BFSP2: variants seen among roughly 807,000 people sequenced by gnomAD.
The protein encoded by BFSP2 is phakinin.
In BFSP2, 38 loss-of-function variants were observed where a neutral mutation model predicts 44.9. That is an observed-to-expected ratio of 0.85 (90% confidence interval 0.65 to 1.11). BFSP2 has a LOEUF of 1.11. Among genes scored for constraint, BFSP2 ranks in the 50% least tolerant of loss-of-function variants. The pLI is 0.00. For synonymous variants in BFSP2, 197 were observed against 209.9 expected, an observed-to-expected ratio of 0.94 and a Z score of 0.53; for missense variants, 525 against 533.0, an observed-to-expected ratio of 0.99 and a Z score of 0.15.
chr3:133,461,126 T>C (rs2074058179), intron 4 of BFSP2, among the ~76,000 whole-genome samples: 1 of 152,186 alleles, frequency 6.6e-6, no homozygotes, highest in Non-Finnish European at 1.5e-5. Context: ...AGGGTGTTTT[T>C]AGGAATGGCC....
intron 1 of BFSP2, among the ~76,000 whole-genome samples, chr3:133,436,533 G>A (rs2073783757): frequency 6.6e-6 from 1 of 152,082 alleles, no homozygotes; most frequent in South Asian, 2.1e-4. Flanking sequence ...CATAACAAGT[G>A]CTTAAAAAGC....
rs557600781 is a variant in BFSP2 at position 133,400,761 on chromosome 3, C to G, written c.489+189C>G. Among the ~76,000 whole-genome samples the G allele has an allele frequency of 1.3e-4, 20 of 152,176 alleles. No individual in the cohort carries two copies. The highest frequency in any genetic ancestry group is 2.5e-4 in the Non-Finnish European group (17 of 68,034). ...GGTTTACTAGGAGCCCACGCTAGCC[C>G]CCATACGTGCACTACCCACTGTCTT... On this transcript the variant is annotated intron_variant, in intron 1 of 6. Coordinates refer to ENST00000302334, the MANE Select transcript of BFSP2 (RefSeq NM_003571.4). The surrounding 1 kb of genome is among the most constrained non-coding windows in gnomAD (Gnocchi z 4.0).
rs576041745 is a variant in BFSP2, at chr3:133,465,026, G to A, written c.892-1802G>A. On this transcript the variant is annotated intron_variant, in intron 4 of 6. Transcript: ENST00000302334. ...CTTTTTTTTTTTTTTTTTTCTTTTT[G>A]AGATGGAGTCTCACTGTCACCCAGG... Among the ~76,000 whole-genome samples the A allele has an allele frequency of 2.1e-4, 19 of 92,466 alleles. 1 individual carries two copies. The South Asian group carries it at 7.4e-3, about 36-fold the overall frequency. The allele number at this position is 92,466 out of a possible 152,430, so 60.7% of individuals were successfully genotyped here. A position where few individuals can be genotyped will look rare whatever the true frequency, so the allele number is the denominator to read the frequency against.
chr3:133,469,117 T>C (rs2074138376), intron 5 of BFSP2, among the ~76,000 whole-genome samples: 1 of 152,220 alleles, frequency 6.6e-6, no homozygotes, highest in Non-Finnish European at 1.5e-5. Flanking sequence ...ATTTACACTC[T>C]CAACCAGAAA....
chr3:133,421,414 T>C (rs1182673885), intron 1 of BFSP2, among the ~76,000 whole-genome samples: 1 of 152,260 alleles, frequency 6.6e-6, no homozygotes, highest in Non-Finnish European at 1.5e-5. Context: ...GCTCTGGTGA[T>C]GGCGGGCAAT....
At position 133,429,930 on chromosome 3, in the gene BFSP2, G is replaced by A. The variant is rs1427205370; in HGVS notation, c.490-17387G>A. On this transcript the variant is annotated intron_variant, in intron 1 of 6. Coordinates refer to ENST00000302334, the MANE Select transcript of BFSP2 (RefSeq NM_003571.4). ...CTACCCCCACCCCACAACAGTCCCC[G>A]GTGCGTGATGTTCCCCTTCCTGTGT... Among the ~76,000 whole-genome samples the A allele has an allele frequency of 9.9e-4, 148 of 150,112 alleles. 4 individuals are homozygous for A. Among genetic ancestry groups the A allele is most frequent in the Middle Eastern group, 3.4e-3 (1 of 294 alleles).
At chr3:133,432,227 C>T (rs187991769) in intron 1 of BFSP2, among the ~76,000 whole-genome samples, 10 of 152,312 alleles carry the variant, frequency 6.6e-5, no homozygotes, top group South Asian at 2.1e-4. Context: ...GTCCAAAAAC[C>T]GCACAAGTCT....
At chr3:133,426,747 G>A (rs1282100876) in intron 1 of BFSP2, among the ~76,000 whole-genome samples, 1 of 152,200 alleles carries the variant, frequency 6.6e-6, no homozygotes, top group Non-Finnish European at 1.5e-5. Context: ...TTCTGCAGAG[G>A]CCTCCCTCTT....
At chr3:133,438,866 A>G (rs769202986) in intron 1 of BFSP2, among the ~76,000 whole-genome samples, 1 of 152,206 alleles carries the variant, frequency 6.6e-6, no homozygotes, top group Non-Finnish European at 1.5e-5. Context: ...TGGGGGGGTC[A>G]TTATTCTAGA....
intron 1 of BFSP2, among the ~76,000 whole-genome samples, chr3:133,415,253 CCTGCCCCCTCTG>C (rs2073508673): frequency 7.7e-6 from 1 of 130,500 alleles, no homozygotes; most frequent in African/African-American, 3.1e-5. Context: ...TCTACTCACC[CCTGCCCCCTCTG>C]CTCTACTCAC....
chr3:133,409,100 G>A (rs1194361787), intron 1 of BFSP2, among the ~76,000 whole-genome samples: 1 of 152,188 alleles, frequency 6.6e-6, no homozygotes, highest in African/African-American at 2.4e-5. Flanking sequence ...ATTCCAAGTG[G>A]CTTTTTAAAC....
chr3:133,473,361 T>C (rs2074184553), intron 6 of BFSP2, among the ~76,000 whole-genome samples: 1 of 143,420 alleles, frequency 7.0e-6, no homozygotes, highest in Non-Finnish European at 1.5e-5. Flanking sequence ...TGTCACCCCA[T>C]GGTTACCATA....
chr3:133,446,888 C>T (rs1421439293), intron 1 of BFSP2, among the ~76,000 whole-genome samples: 1 of 151,708 alleles, frequency 6.6e-6, no homozygotes, highest in Non-Finnish European at 1.5e-5. Context: ...TCCACCGTCA[C>T]AGGAAGCTCT....
At position 133,425,945 on chromosome 3, in the gene BFSP2, G is replaced by GC. The variant is rs1553779125; in HGVS notation, c.490-21372_490-21371insC. On this transcript the variant is annotated intron_variant, in intron 1 of 6. Coordinates refer to ENST00000302334, the MANE Select transcript of BFSP2 (RefSeq NM_003571.4). The stretch of plus-strand genomic sequence containing the variant: ...GGAAGGCTAGGGAAGGCAAGGGAAG[G>GC]GAGGGGAGGGGGAGGGGGAGGGGAT... 5.7e-3 allele frequency among the ~76,000 whole-genome samples: 31 copies of GC among 5,454 alleles called. 1 individual carries two copies. Among genetic ancestry groups the GC allele is most frequent in the African/African-American group, 0.014 (22 of 1,606 alleles). 3.6% of individuals were successfully genotyped at this position (5,454 alleles called of 152,430 possible).
At position 133,475,086 on chromosome 3, in the gene BFSP2, T is replaced by C; in HGVS notation, c.*114T>C. 6.8e-7 allele frequency: 1 copy of C among 1,478,390 alleles called. No individual in the cohort carries two copies. Among genetic ancestry groups the C allele is most frequent in the South Asian group, 1.1e-5 (1 of 88,402 alleles). The allele number at this position is 1,478,390 out of a possible 1,614,324, so 91.6% of individuals were successfully genotyped here. A position where few individuals can be genotyped will look rare whatever the true frequency, so the allele number is the denominator to read the frequency against. On this transcript the variant is annotated 3_prime_UTR_variant, in exon 7 of 7. Coordinates refer to ENST00000302334, the MANE Select transcript of BFSP2 (RefSeq NM_003571.4). ...AGTCCCTGCTGGATTCCCTGGTTAA[T>C]TCAGCTTGAGCTGAAAAGCTTCCTG...
intron 1 of BFSP2, among the ~76,000 whole-genome samples, chr3:133,414,818 TACC>T (rs566105882): frequency 2.5e-5 from 1 of 40,140 alleles, no homozygotes; most frequent in African/African-American, 1.1e-4. Flanking sequence ...TACTCACTCC[TACC>T]ACGTCTGCTC....
chr3:133,430,794 T>C (rs1365080627), intron 1 of BFSP2, among the ~76,000 whole-genome samples: 3 of 152,046 alleles, frequency 2.0e-5, no homozygotes, highest in African/African-American at 7.2e-5. Flanking sequence ...TACAGACCCA[T>C]CTGACCTCTC....
At chr3:133,428,663 C>T (rs2073677597) in intron 1 of BFSP2, among the ~76,000 whole-genome samples, 2 of 152,186 alleles carry the variant, frequency 1.3e-5, no homozygotes, top group Non-Finnish European at 2.9e-5. Flanking sequence ...AGAGGAAAGT[C>T]GGGGATAACT....
intron 5 of BFSP2, among the ~76,000 whole-genome samples, chr3:133,468,571 C>T (rs754619165): frequency 5.3e-5 from 8 of 152,122 alleles, no homozygotes; most frequent in African/African-American, 7.2e-5. Flanking sequence ...GTGACCACTC[C>T]GTGTAGCTAG....
Sources: gnomAD v4.1 joint callset for allele counts (sites outside exome capture counted in the v4.1 genomes callset) on GRCh38, gnomAD v4.1.1 for gene constraint, Gnocchi (gnomAD v3.1) non-coding constraint, MANE v1.5 for transcripts, NCBI Gene and HGNC (gene_info 2026-07-23, HGNC 2026-07-21) for gene names.